Variants in SLC16A8 observed in about 807,000 individuals in gnomAD.
SLC16A8 encodes the protein solute carrier family 16 member 8.
In SLC16A8, 20 loss-of-function variants were observed where a neutral mutation model predicts 22.4. The observed-to-expected ratio is 0.89, with a 90% confidence interval of 0.63 to 1.30. The LOEUF is 1.30. Among genes scored for constraint, SLC16A8 ranks in the 50% most tolerant of loss-of-function variants. The pLI, the probability that SLC16A8 is intolerant of heterozygous loss-of-function variation, is 0.00. For missense variants in SLC16A8, 817 were observed against 740.3 expected (o/e 1.10, Z -1.20); for synonymous variants, 393 against 358.8 (o/e 1.10, Z -1.08).
Position 38,080,843 on chromosome 22 carries a change from C to G in SLC16A8, c.1195G>C (p.Ala399Pro). 6.7e-7 allele frequency: 1 copy of G among 1,503,542 alleles called. No individual in the cohort carries two copies. Among genetic ancestry groups the G allele is most frequent in the African/African-American group, 1.4e-5 (1 of 71,938 alleles). The allele number at this position is 1,503,542 out of a possible 1,614,324, so 93.1% of individuals were successfully genotyped here. A position where few individuals can be genotyped will look rare whatever the true frequency, so the allele number is the denominator to read the frequency against. The change falls in exon 5 of 6, where the codon GCC (alanine) becomes CCC (proline). Residue 399 changes from alanine (A) to proline (P), a missense_variant. Ala to Pro is a conservative substitution (Grantham distance 27). Coordinates refer to ENST00000681075, the MANE Select transcript of SLC16A8 (RefSeq NM_013356.3). ...CCCCTCTTCCTTCGGGGCGCACCGG[C>G]AGAGGGCGGTCCGATGAGCACAGCC... The part of the protein sequence containing the change: ...AAAVLIGPPS[A>P]GRLVDVLKNY...
intron 5 of SLC16A8, among the ~76,000 whole-genome samples, chr22:38,079,293 T>A (rs1397304933): frequency 1.3e-5 from 2 of 152,146 alleles, no homozygotes; most frequent in Non-Finnish European, 2.9e-5. Flanking sequence ...TTTATTATGT[T>A]TTTTTTAGGG....
rs201652278 is a variant in SLC16A8 at position 38,078,655 on chromosome 22, G to A, written c.1248C>T (p.Ala416=). 1.1e-4 allele frequency: 177 copies of A among 1,613,490 alleles called. 3 individuals are homozygous for A. The highest frequency in any genetic ancestry group is 3.3e-4 in the East Asian group (15 of 44,862). The change falls in exon 6 of 6, where the codon GCC becomes GCT. Residue 416 remains alanine, a synonymous_variant. Transcript: ENST00000681075. ...CCCCAGCCAGGGCCACCTCAGAGCCGGCCAGGTAGAAGATGATCTCATAGT... is the reference window on the plus strand; with the variant it reads ...CCCCAGCCAGGGCCACCTCAGAGCCAGCCAGGTAGAAGATGATCTCATAGT... ...LKNYEIIFYL[A]GSEVALAGVF...
chr22:38,082,527 C>T (rs1466571303), intron 3 of SLC16A8, 133 bp downstream of exon 3: 2 of 767,042 alleles, frequency 2.6e-6, no homozygotes, highest in Non-Finnish European at 4.1e-6. Flanking sequence ...TTTCTGGTGC[C>T]AGGGTTCCCA....
rs148254406 is a variant in SLC16A8, at chr22:38,081,582, G to T, written c.456C>A (p.Gly152=). ...ACAGCGCGGACAGGAACACGGGGCTGCCCGCCGCCGCCAGCCCGTTGGCCA... is the reference window on the plus strand; with the variant it reads ...ACAGCGCGGACAGGAACACGGGGCTTCCCGCCGCCGCCAGCCCGTTGGCCA... ...RPLANGLAAA[G]SPVFLSALSP... is the part of the protein sequence containing the mutation. Residue 152 remains glycine (G), a synonymous_variant, in exon 5 of 6, where the codon GGC becomes GGA. Coordinates refer to ENST00000681075, the MANE Select transcript of SLC16A8 (RefSeq NM_013356.3). 61,610 of 1,512,772 alleles carry T rather than the reference G, an allele frequency of 0.041. 1,423 individuals carry two copies. Among genetic ancestry groups the T allele is most frequent in the East Asian group, 0.07 (2,650 of 37,600 alleles). The allele number at this position is 1,512,772 out of a possible 1,614,324, so 93.7% of individuals were successfully genotyped here. A position where few individuals can be genotyped will look rare whatever the true frequency, so the allele number is the denominator to read the frequency against.
intron 5 of SLC16A8, 55 bp from the exon 6 acceptor site, chr22:38,078,759 C>T: frequency 1.7e-5 from 25 of 1,476,644 alleles, no homozygotes; most frequent in Non-Finnish European, 2.2e-5. Flanking sequence ...GTCCTCCCCT[C>T]ACTCTCCTGC....
In SLC16A8 at chr22:38,083,022, A is replaced by T. The variant is rs146291056; in HGVS notation, c.-9+20T>A. The T allele has an allele frequency of 3.3e-3, 2,023 of 613,092 alleles. 45 individuals are homozygous for T. The highest frequency in any genetic ancestry group is 0.027 in the East Asian group (992 of 36,100). The allele number at this position is 613,092 out of a possible 1,614,324, so 38.0% of individuals were successfully genotyped here. A position where few individuals can be genotyped will look rare whatever the true frequency, so the allele number is the denominator to read the frequency against. On this transcript the variant is annotated intron_variant, in intron 2 of 5. Coordinates refer to ENST00000681075, the MANE Select transcript of SLC16A8 (RefSeq NM_013356.3). ...CTCAGGTCTGGGAACCAAAAGGGGA[A>T]ACGGAGGTAGGACTCTCACCCCAAG...
intron 5 of SLC16A8, among the ~76,000 whole-genome samples, chr22:38,080,071 G>A (rs1452708893): frequency 1.3e-5 from 2 of 152,204 alleles, no homozygotes; most frequent in African/African-American, 4.8e-5. Flanking sequence ...CAGCCCTCTA[G>A]CCTCTGGGAC....
At position 38,081,940 on chromosome 22, in the gene SLC16A8, A is replaced by C. The variant is rs1601971238; in HGVS notation, c.307T>G (p.Ser103Ala). 6.4e-7 allele frequency: 1 copy of C among 1,573,282 alleles called. No individual in the cohort carries two copies. Among genetic ancestry groups the C allele is most frequent in the East Asian group, 2.3e-5 (1 of 42,744 alleles). ...AGCTCCAGGAGGCGCGTGGCAAAGGAAGCTAGGATCATGCCCGCGGAAGCC... is the reference window on the plus strand; with the variant it reads ...AGCTCCAGGAGGCGCGTGGCAAAGGCAGCTAGGATCATGCCCGCGGAAGCC... Reference protein sequence around the residue: ...LLASAGMILASFATRLLELYL... With the variant: ...LLASAGMILAAFATRLLELYL... The change falls in exon 4 of 6, where the codon TCC becomes GCC. Residue 103 changes from serine to alanine, a missense_variant. Transcript: ENST00000681075.
In SLC16A8 at chr22:38,083,037, C is replaced by T. The variant is rs1008948731; in HGVS notation, c.-9+5G>A. ...CAAAAGGGGAAACGGAGGTAGGACT[C>T]TCACCCCAAGTCTCCTTCTCCTGCA... On this transcript the variant is annotated splice_donor_5th_base_variant and intron_variant, in intron 2 of 5. Transcript: ENST00000681075. 1 of 601,494 alleles carries T rather than the reference C, an allele frequency of 1.7e-6. No homozygotes were observed. The highest frequency in any genetic ancestry group is 2.8e-5 in the East Asian group (1 of 36,052). The allele number at this position is 601,494 out of a possible 1,614,324, so 37.3% of individuals were successfully genotyped here.
At chr22:38,082,524 T>G (rs1322038379) in intron 3 of SLC16A8, 136 bp downstream of exon 3, 1 of 753,996 alleles carries the variant, frequency 1.3e-6, no homozygotes, top group Non-Finnish European at 2.1e-6. Flanking sequence ...CTCTTTCTGG[T>G]GCCAGGGTTC....
At position 38,078,318 on chromosome 22, in the gene SLC16A8, G is replaced by A. The variant is rs907662162; in HGVS notation, c.*70C>T. ...GACCACCCCAGACCAGCCTCCCAGC[G>A]TACCAGGCTCTCTGAGACAAGAAGC... On this transcript the variant is annotated 3_prime_UTR_variant, in exon 6 of 6. Transcript: ENST00000681075. 37 of 1,457,124 alleles carry A rather than the reference G, an allele frequency of 2.5e-5. No individual in the cohort carries two copies. The highest frequency in any genetic ancestry group is 1.0e-4 in the South Asian group (8 of 77,984). 90.3% of individuals were successfully genotyped at this position (1,457,124 alleles called of 1,614,324 possible). A position where few individuals can be genotyped will look rare whatever the true frequency, so the allele number is the denominator to read the frequency against.
rs1290218543 is a variant in SLC16A8 at position 38,078,472 on chromosome 22, C to T, written c.1431G>A (p.Glu477=). The change falls in exon 6 of 6, where the codon GAG becomes GAA. Residue 477 remains glutamate, a synonymous_variant. Coordinates refer to ENST00000681075, the MANE Select transcript of SLC16A8 (RefSeq NM_013356.3). ...CCCGGGCGCTGAGCACCTCCAGGGCCTCCAGGTTGCCGGGTTCCTCTGCAA... is the reference window on the plus strand; with the variant it reads ...CCCGGGCGCTGAGCACCTCCAGGGCTTCCAGGTTGCCGGGTTCCTCTGCAA... ...PVVAEEPGNL[E]ALEVLSARGE... 6.2e-7 allele frequency: 1 copy of T among 1,613,952 alleles called. No individual in the cohort carries two copies. Among genetic ancestry groups the T allele is most frequent in the Admixed American group, 1.7e-5 (1 of 60,036 alleles).
Position 38,081,930 on chromosome 22 carries a change from G to A in SLC16A8, c.317C>T (p.Thr106Met). The A allele has an allele frequency of 6.3e-7, 1 of 1,575,800 alleles. No homozygotes were observed. The highest frequency in any genetic ancestry group is 1.7e-4 in the Middle Eastern group (1 of 6,000). Reference sequence around the variant, plus strand: ...GGTCAGGTAGAGCTCCAGGAGGCGCGTGGCAAAGGAAGCTAGGATCATGCC... The same window carrying A: ...GGTCAGGTAGAGCTCCAGGAGGCGCATGGCAAAGGAAGCTAGGATCATGCC... ...SAGMILASFA[T>M]RLLELYLTAG... is the part of the protein sequence containing the mutation. Residue 106 changes from threonine (T) to methionine (M), a missense_variant, in exon 4 of 6, where the codon ACG becomes ATG. By Grantham distance (81) the Thr-to-Met change is moderately conservative (BLOSUM62 -1). Coordinates refer to ENST00000681075, the MANE Select transcript of SLC16A8 (RefSeq NM_013356.3).
At chr22:38,083,566 AG>A (rs1341569781) in intron 1 of SLC16A8, among the ~76,000 whole-genome samples, 5 of 152,108 alleles carry the variant, frequency 3.3e-5, no homozygotes, top group Admixed American at 3.3e-4. Context: ...GCGGGAGAGG[AG>A]TCAGGTCTCT....
Position 38,081,320 on chromosome 22 carries a change from G to C in SLC16A8, c.718C>G (p.Arg240Gly). ...REASPRVRPR[R>G]RLLDLAVCTD... ...CACACTGCCAAGTCCAGCAGGCGCC[G>C]GCGGGGCCGGACCCTGGGGGATGCC... is the stretch of plus-strand genomic sequence containing the variant. Residue 240 changes from arginine (R) to glycine (G), a missense_variant, in exon 5 of 6, where the codon CGG (arginine) becomes GGG (glycine). Physicochemically the swap from Arg to Gly is moderately radical, Grantham distance 125. Coordinates refer to ENST00000681075, the MANE Select transcript of SLC16A8 (RefSeq NM_013356.3). 6.6e-7 allele frequency: 1 copy of C among 1,505,838 alleles called. No individual in the cohort carries two copies. Among genetic ancestry groups the C allele is most frequent in the African/African-American group, 1.4e-5 (1 of 69,718 alleles). 93.3% of individuals were successfully genotyped at this position (1,505,838 alleles called of 1,614,324 possible).
Position 38,078,494 on chromosome 22 carries a change from GCAA to G in SLC16A8, c.1406_1408del (p.Val469del), listed in dbSNP as rs2085876861. The G allele has an allele frequency of 6.2e-7, 1 of 1,613,994 alleles. No homozygotes were observed. On this transcript the variant is annotated inframe_deletion, in exon 6 of 6. Transcript: ENST00000681075. ...GGCCTCCAGGTTGCCGGGTTCCTCT[GCAA>G]CAACAGGCAGGGGCTCAGAGTCCCC...
intron 5 of SLC16A8, 46 bp downstream of exon 5, chr22:38,080,794 T>A (rs981050028): frequency 3.1e-5 from 45 of 1,450,310 alleles, no homozygotes; most frequent in Non-Finnish European, 3.4e-5. Context: ...CTTCCCTGGG[T>A]CTAAGGGGCA....
intron 5 of SLC16A8, 60 bp from the exon 6 acceptor site, chr22:38,078,764 T>A: frequency 1.4e-6 from 2 of 1,477,114 alleles, no homozygotes; most frequent in Non-Finnish European, 1.9e-6. Flanking sequence ...CCCCTCACTC[T>A]CCTGCACTCT....
At chr22:38,083,574 C>G (rs2085954186) in intron 1 of SLC16A8, among the ~76,000 whole-genome samples, 1 of 152,216 alleles carries the variant, frequency 6.6e-6, no homozygotes, top group African/African-American at 2.4e-5. Flanking sequence ...GGAGTCAGGT[C>G]TCTGGCTTCT....
Sources: allele counts gnomAD v4.1 joint callset (sites outside exome capture counted in the v4.1 genomes callset), GRCh38; gene constraint gnomAD v4.1.1; transcripts MANE v1.5; gene names NCBI Gene and HGNC (gene_info 2026-07-23, HGNC 2026-07-21).